The following DOCK8 variants were observed in gnomAD, a reference collection of about 807,000 sequenced individuals.
DOCK8 encodes dedicator of cytokinesis 8, also known as dedicator of cytokinesis protein 8.
A neutral mutation model predicts 245.6 loss-of-function variants in DOCK8; 141 were observed. The ratio of observed to expected loss-of-function variants is 0.57; its 90% CI spans 0.50 to 0.66. DOCK8 has a LOEUF of 0.66. DOCK8 is among the 30% of genes least tolerant of loss of function. The probability of loss-of-function intolerance (pLI) is 0.00; values close to 1 mark genes in which losing one functional copy is unlikely to be tolerated. For missense variants in DOCK8, 2,965 were observed against 2,603.4 expected (o/e 1.14, Z -3.02); for synonymous variants, 1,168 against 970.2 (o/e 1.20, Z -3.79).
At chr9:382,196 A>G (rs1305635221) in intron 21 of DOCK8, among the ~76,000 whole-genome samples, 1 of 152,192 alleles carries the variant, frequency 6.6e-6, no homozygotes. Flanking sequence ...CTCATGAGAA[A>G]TCAGAAGCTC....
intron 40 of DOCK8, 97 bp from the exon 41 acceptor site, chr9:441,189 C>T (rs2057083263): frequency 6.5e-7 from 1 of 1,544,002 alleles, no homozygotes; most frequent in South Asian, 1.1e-5. Context: ...ACAATAAATT[C>T]ACTCTCCAGC....
chr9:396,795 T>C lies in DOCK8; in HGVS notation c.2981T>C (p.Met994Thr), dbSNP rs1283486101. 2 of 1,614,010 alleles carry C rather than the reference T, an allele frequency of 1.2e-6. No individual in the cohort carries two copies. The highest frequency in any genetic ancestry group is 2.2e-5 in the East Asian group (1 of 44,892). ...WFFFELLVKS[M>T]AQHVHNMDKR... is the part of the protein sequence containing the mutation. The stretch of plus-strand genomic sequence containing the variant: ...CATCCCCCTCCGCAGGTGAAAAGCA[T>C]GGCCCAGCACGTACATAACATGGAC... Residue 994 changes from methionine (M) to threonine (T), a missense_variant, in exon 25 of 48, where the codon ATG (methionine) becomes ACG (threonine). Coordinates refer to ENST00000432829, the MANE Select transcript of DOCK8 (RefSeq NM_203447.4).
intron 1 of DOCK8, among the ~76,000 whole-genome samples, chr9:218,470 C>T (rs1186550329): frequency 2.0e-5 from 3 of 152,106 alleles, no homozygotes; most frequent in Non-Finnish European, 4.4e-5. Flanking sequence ...GACTTGCGTG[C>T]CAAGGAAAGA....
At chr9:455,037 C>T (rs1259453820) in intron 46 of DOCK8, among the ~76,000 whole-genome samples, 1 of 152,202 alleles carries the variant, frequency 6.6e-6, no homozygotes, top group East Asian at 1.9e-4. Flanking sequence ...ATCAAATTCA[C>T]CATTTTAAAG....
chr9:274,395 A>G (rs1030950702), intron 2 of DOCK8, among the ~76,000 whole-genome samples: 1 of 151,654 alleles, frequency 6.6e-6, no homozygotes, highest in African/African-American at 2.4e-5. Context: ...CTTGACTTCA[A>G]CTTCAGTATA....
At chr9:269,189 C>G (rs1009933389) in intron 1 of DOCK8, among the ~76,000 whole-genome samples, 1 of 152,230 alleles carries the variant, frequency 6.6e-6, no homozygotes, top group Non-Finnish European at 1.5e-5. Context: ...AAACCCCAAA[C>G]TCATTAGCAG....
At chr9:425,404 CG>C (rs2056447616) in intron 33 of DOCK8, among the ~76,000 whole-genome samples, 1 of 151,920 alleles carries the variant, frequency 6.6e-6, no homozygotes, top group African/African-American at 2.4e-5. Flanking sequence ...CGGTGGCGGG[CG>C]CCTGTAGTCC....
intron 1 of DOCK8, among the ~76,000 whole-genome samples, chr9:256,004 G>C (rs1239598833): frequency 6.6e-6 from 1 of 152,186 alleles, no homozygotes; most frequent in Non-Finnish European, 1.5e-5. Flanking sequence ...TGCACAGAAT[G>C]TAGTCTCATT....
chr9:218,671 C>T (rs1404955831), intron 1 of DOCK8, among the ~76,000 whole-genome samples: 3 of 152,036 alleles, frequency 2.0e-5, no homozygotes, highest in East Asian at 3.9e-4. Context: ...TAAACAAAAT[C>T]TTAGTGTCTT....
rs375758495 is a variant in DOCK8 at position 286,627 on chromosome 9, C to T, written c.323C>T (p.Pro108Leu). ...KECRTLQPSL[P>L]EEGVELDPHV... ...TGTAGGACTTTGCAGCCCTCTTTGC[C>T]GGAGGAAGGGTAAATAGTTTTCTAA... Residue 108 changes from proline to leucine, a missense_variant, in exon 3 of 48, where the codon CCG becomes CTG. Physicochemically the swap from Pro to Leu is moderately conservative, Grantham distance 98. Transcript: ENST00000432829. 28 of 1,613,510 alleles carry T rather than the reference C, an allele frequency of 1.7e-5. No individual in the cohort carries two copies. Among genetic ancestry groups the T allele is most frequent in the African/African-American group, 5.3e-5 (4 of 74,834 alleles).
At chr9:352,955 C>T (rs2052248208) in intron 14 of DOCK8, among the ~76,000 whole-genome samples, 1 of 152,084 alleles carries the variant, frequency 6.6e-6, no homozygotes, top group Non-Finnish European at 1.5e-5. Flanking sequence ...TTTGAAAAAT[C>T]TCATATGCCT....
intron 37 of DOCK8, among the ~76,000 whole-genome samples, chr9:432,739 G>A (rs1187514810): frequency 6.6e-6 from 1 of 152,192 alleles, no homozygotes; most frequent in Non-Finnish European, 1.5e-5. Context: ...CAGGGGAAAA[G>A]TGAGGGGGAA....
chr9:271,715 C>T lies in DOCK8; in HGVS notation c.142C>T (p.Pro48Ser). The T allele has an allele frequency of 2.3e-5, 35 of 1,551,328 alleles. No individual in the cohort carries two copies. Among genetic ancestry groups the T allele is most frequent in the Non-Finnish European group, 3.1e-5 (35 of 1,146,538 alleles). The change falls in exon 2 of 48, where the codon CCC becomes TCC. Residue 48 changes from proline (P) to serine (S), a missense_variant. Physicochemically the swap from Pro to Ser is moderately conservative, Grantham distance 74. Around this residue, in one of 3 missense-constraint regions of DOCK8, gnomAD observed 2,825 missense variants for 2,453.5 expected, o/e 1.15. Coordinates refer to ENST00000432829, the MANE Select transcript of DOCK8 (RefSeq NM_203447.4). ...HRQSISTSGFPSLQLPQFYDP... is the reference protein window; with the variant it reads ...HRQSISTSGFSSLQLPQFYDP... The stretch of plus-strand genomic sequence containing the variant: ...ACAGAGCATAAGTACCTCTGGCTTC[C>T]CCTCTCTTCAACTAGTAAGTATGAG...
chr9:303,152 C>T (rs2049635735), intron 4 of DOCK8, among the ~76,000 whole-genome samples: 1 of 151,374 alleles, frequency 6.6e-6, no homozygotes, highest in Admixed American at 6.6e-5. Context: ...AGAACGAGAC[C>T]CTGTCTCAAG....
At position 376,257 on chromosome 9, in the gene DOCK8, G is replaced by C; in HGVS notation, c.2157G>C (p.Lys719Asn). 2 of 1,613,600 alleles carry C rather than the reference G, an allele frequency of 1.2e-6. No homozygotes were observed. The highest frequency in any genetic ancestry group is 2.2e-5 in the South Asian group (2 of 91,066). The change falls in exon 19 of 48, where the codon AAG (lysine) becomes AAC (asparagine). Residue 719 changes from lysine to asparagine, a missense_variant. Around this residue, in one of 3 missense-constraint regions of DOCK8, gnomAD observed 2,825 missense variants for 2,453.5 expected, o/e 1.15. Coordinates refer to ENST00000432829, the MANE Select transcript of DOCK8 (RefSeq NM_203447.4). ...NPPIKWAEGH[K>N]GVFNIEVQAV... The stretch of plus-strand genomic sequence containing the variant: ...CCATTAAGTGGGCTGAAGGACATAA[G>C]GGAGTATTTAATATTGAAGTGCAAG...
At chr9:260,431 G>T (rs1248553918) in intron 1 of DOCK8, among the ~76,000 whole-genome samples, 1 of 152,206 alleles carries the variant, frequency 6.6e-6, no homozygotes, top group Non-Finnish European at 1.5e-5. Flanking sequence ...ATAACAATGG[G>T]CAGAATAGCC....
chr9:236,114 GC>G (rs1262247862), intron 1 of DOCK8, among the ~76,000 whole-genome samples: 3 of 152,112 alleles, frequency 2.0e-5, no homozygotes, highest in African/African-American at 7.2e-5. Flanking sequence ...TGGTGTCATG[GC>G]CCCCAAGGTA....
chr9:310,205 A>G (rs1035553409), intron 5 of DOCK8, among the ~76,000 whole-genome samples: 2 of 151,932 alleles, frequency 1.3e-5, no homozygotes, highest in Non-Finnish European at 2.9e-5. Context: ...AGGCAGAGGC[A>G]GCAGTGAGCT....
At chr9:304,509 T>C in intron 4 of DOCK8, 72 bp from the exon 5 acceptor site, 1 of 1,600,012 alleles carries the variant, frequency 6.2e-7, no homozygotes, top group Middle Eastern at 1.7e-4. Flanking sequence ...GCCATTACTT[T>C]TATTTTTAAT....
Sources: gnomAD v4.1 joint callset for allele counts (sites outside exome capture counted in the v4.1 genomes callset) on GRCh38, gnomAD v4.1.1 for gene constraint, gnomAD v4.1.1 regional missense constraint, MANE v1.5 for transcripts, NCBI Gene and HGNC (gene_info 2026-07-23, HGNC 2026-07-21) for gene names.